ADARB2: variants seen among roughly 807,000 people sequenced by gnomAD.
ADARB2 encodes the protein inactive double-stranded RNA-specific editase B2.
Under a neutral mutation model 62.2 loss-of-function variants are expected in ADARB2, and 25 were observed. The observed-to-expected ratio is 0.40, with a 90% confidence interval of 0.29 to 0.56. ADARB2 has a LOEUF of 0.56. Among genes scored for constraint, ADARB2 ranks in the 20% least tolerant of loss-of-function variants. ADARB2 has a pLI of 0.43. For synonymous variants in ADARB2, 572 were observed against 500.8 expected (o/e 1.14, Z -1.90); for missense variants, 1,071 against 1,077.4 (o/e 0.99, Z 0.08).
chr10:1,254,878 T>C (rs901709346), intron 4 of ADARB2, among the ~76,000 whole-genome samples: 1 of 152,226 alleles, frequency 6.6e-6, no homozygotes, highest in Non-Finnish European at 1.5e-5. Context: ...TGGTCCCCAT[T>C]TGCTGTACCT....
At chr10:1,315,026 G>A (rs1008638294) in intron 3 of ADARB2, among the ~76,000 whole-genome samples, 1 of 152,160 alleles carries the variant, frequency 6.6e-6, no homozygotes, top group Non-Finnish European at 1.5e-5. Context: ...AAGCCGCCCC[G>A]AGGTTCCAAC....
chr10:1,219,682 ATGGTGATAATGGAGGTAATGGTGG>A (rs1830664742), intron 6 of ADARB2, among the ~76,000 whole-genome samples: 1 of 152,100 alleles, frequency 6.6e-6, no homozygotes, highest in East Asian at 1.9e-4. Context: ...GGTGGTGGTG[ATGGTGATAATGGAGGTAATGGTGG>A]TGGTGATGGT....
intron 1 of ADARB2, among the ~76,000 whole-genome samples, chr10:1,480,862 G>C (rs1022708077): frequency 1.3e-5 from 2 of 152,162 alleles, no homozygotes; most frequent in East Asian, 1.9e-4. Context: ...TGATTGGAAG[G>C]CTTAATATTA....
At position 1,463,965 on chromosome 10, in the gene ADARB2, C is replaced by T. The variant is rs564534882; in HGVS notation, c.101-84805G>A. Among the ~76,000 whole-genome samples the T allele has an allele frequency of 4.5e-4, 69 of 152,356 alleles. 1 individual carries two copies. Among genetic ancestry groups the T allele is most frequent in the Middle Eastern group, 3.4e-3 (1 of 294 alleles). On this transcript the variant is annotated intron_variant, in intron 1 of 9. Transcript: ENST00000381312. ...ATCAGTCATTAGGAAAGCGCAAACG[C>T]AAACCCCCATAAGACGCCTGGACAC... is the stretch of plus-strand genomic sequence containing the variant.
chr10:1,227,278 T>C (rs954255468), intron 6 of ADARB2, among the ~76,000 whole-genome samples: 2 of 152,146 alleles, frequency 1.3e-5, no homozygotes, highest in Non-Finnish European at 2.9e-5. Context: ...AGGGTGGGAG[T>C]GACCCGATTT....
At chr10:1,277,925 T>C (rs1831333679) in intron 3 of ADARB2, among the ~76,000 whole-genome samples, 2 of 150,506 alleles carry the variant, frequency 1.3e-5, no homozygotes, top group South Asian at 2.1e-4. Flanking sequence ...TGGGCTTCTT[T>C]CTTTCTGCTT....
At position 1,178,651 on chromosome 10, in the gene ADARB2, G is replaced by C. The variant is rs1364333975; in HGVS notation, c.*4542C>G. 6.6e-6 allele frequency: 1 copy of C among 152,272 alleles called. No individual in the cohort carries two copies. Among genetic ancestry groups the C allele is most frequent in the African/African-American group, 2.4e-5 (1 of 41,444 alleles). 9.4% of individuals were successfully genotyped at this position (152,272 alleles called of 1,614,324 possible). ...ATACCAGCGAGGCGGGGGGTGGTCTGTCCCTGCTAAGAGCTGCCTGGGGGT... is the reference window on the plus strand; with the variant it reads ...ATACCAGCGAGGCGGGGGGTGGTCTCTCCCTGCTAAGAGCTGCCTGGGGGT... On this transcript the variant is annotated 3_prime_UTR_variant, in exon 10 of 10. Coordinates refer to ENST00000381312, the MANE Select transcript of ADARB2 (RefSeq NM_018702.4).
intron 3 of ADARB2, among the ~76,000 whole-genome samples, chr10:1,282,584 A>G (rs1831380018): frequency 1.3e-5 from 2 of 152,200 alleles, no homozygotes; most frequent in Non-Finnish European, 2.9e-5. Flanking sequence ...TAATGTTTTA[A>G]TCACTTGGGA....
At chr10:1,219,280 C>T (rs1192295264) in intron 6 of ADARB2, among the ~76,000 whole-genome samples, 1 of 152,212 alleles carries the variant, frequency 6.6e-6, no homozygotes, top group Non-Finnish European at 1.5e-5. Context: ...TGAGAATGGA[C>T]TAATACAGTG....
chr10:1,519,918 C>T lies in ADARB2; in HGVS notation c.101-140758G>A, dbSNP rs191352524. 3.3e-4 allele frequency among the ~76,000 whole-genome samples: 50 copies of T among 152,274 alleles called. No homozygotes were observed. In the East Asian group the frequency reaches 9.1e-3, roughly 28 times the overall value. On this transcript the variant is annotated intron_variant, in intron 1 of 9. Transcript: ENST00000381312. ...ATTCAAATAATTGCCATGTAGGCTG[C>T]CTTCTGCCAACTGGAAATGTCTTTT...
chr10:1,577,397 A>T (rs1287286319), intron 1 of ADARB2, among the ~76,000 whole-genome samples: 1 of 152,166 alleles, frequency 6.6e-6, no homozygotes, highest in Non-Finnish European at 1.5e-5. Flanking sequence ...ATCCTGGTGT[A>T]AGGCCATCCA....
At chr10:1,688,373 C>T (rs1382316556) in intron 1 of ADARB2, among the ~76,000 whole-genome samples, 2 of 152,238 alleles carry the variant, frequency 1.3e-5, no homozygotes, top group African/African-American at 4.8e-5. Flanking sequence ...CTGCTGTTCC[C>T]TGACCCGGTT....
chr10:1,350,216 A>C lies in ADARB2; in HGVS notation c.1077+12812T>G, dbSNP rs569064666. ...GTCGTAAAATAGGCAAACGGTCTGA[A>C]GTGCCTGACGTCCAGGCTTTCTTTC... On this transcript the variant is annotated intron_variant, in intron 3 of 9. Transcript: ENST00000381312. Among the ~76,000 whole-genome samples the C allele has an allele frequency of 1.1e-4, 16 of 152,326 alleles. No homozygotes were observed. In the East Asian group the frequency reaches 3.1e-3, roughly 29 times the overall value.
At chr10:1,220,193 T>C (rs1442449462) in intron 6 of ADARB2, among the ~76,000 whole-genome samples, 2 of 148,972 alleles carry the variant, frequency 1.3e-5, no homozygotes, top group Non-Finnish European at 3.0e-5. Flanking sequence ...GTGGTGATGA[T>C]GATGATGGTA....
In ADARB2 at chr10:1,540,592, G is replaced by A. The variant is rs1157011190; in HGVS notation, c.101-161432C>T. Among the ~76,000 whole-genome samples the A allele has an allele frequency of 3.1e-5, 2 of 64,286 alleles. 1 individual carries two copies. The highest frequency in any genetic ancestry group is 1.2e-4 in the African/African-American group (2 of 16,940). 42.2% of individuals were successfully genotyped at this position (64,286 alleles called of 152,430 possible). A position where few individuals can be genotyped will look rare whatever the true frequency, so the allele number is the denominator to read the frequency against. On this transcript the variant is annotated intron_variant, in intron 1 of 9. Coordinates refer to ENST00000381312, the MANE Select transcript of ADARB2 (RefSeq NM_018702.4). ...CAGATGTAGTTCAGACCCTGGATCC[G>A]TCCAGACCCCACTCAGACGCAGTTC... is the stretch of plus-strand genomic sequence containing the variant.
intron 2 of ADARB2, among the ~76,000 whole-genome samples, chr10:1,364,401 G>C (rs960222602): frequency 3.3e-5 from 5 of 152,220 alleles, no homozygotes; most frequent in South Asian, 4.1e-4. Context: ...CAGACAGGTG[G>C]TGTCTCCTGA....
At chr10:1,468,658 C>T (rs963055004) in intron 1 of ADARB2, among the ~76,000 whole-genome samples, 1 of 152,202 alleles carries the variant, frequency 6.6e-6, no homozygotes, top group Non-Finnish European at 1.5e-5. Context: ...GGGGGCTCCC[C>T]CAGCAAGCAG....
intron 2 of ADARB2, among the ~76,000 whole-genome samples, chr10:1,375,710 C>G (rs1832416420): frequency 6.6e-6 from 1 of 152,228 alleles, no homozygotes; most frequent in African/African-American, 2.4e-5. Flanking sequence ...ACCCTTGCTC[C>G]TGACATATGT....
At chr10:1,360,762 G>T (rs983512989) in intron 3 of ADARB2, among the ~76,000 whole-genome samples, 3 of 152,188 alleles carry the variant, frequency 2.0e-5, no homozygotes, top group Non-Finnish European at 4.4e-5. Context: ...TCATCCAGTC[G>T]GGGTGGTTAG....
Sources: allele counts gnomAD v4.1 joint callset (sites outside exome capture counted in the v4.1 genomes callset), GRCh38; gene constraint gnomAD v4.1.1; transcripts MANE v1.5; gene names NCBI Gene and HGNC (gene_info 2026-07-23, HGNC 2026-07-21).